The following PRR14L variants were observed in gnomAD, a reference collection of about 807,000 sequenced individuals.
PRR14L encodes the protein proline rich 14 like, also known as protein PRR14L.
In PRR14L, 80 loss-of-function variants were observed where a neutral mutation model predicts 155.0. The observed-to-expected ratio is 0.52, with a 90% CI of 0.43 to 0.62. PRR14L has a LOEUF of 0.62. Ranked by LOEUF, PRR14L falls within the 20% of genes least tolerant of loss-of-function variation. The pLI, the probability that PRR14L is intolerant of heterozygous loss-of-function variation, is 0.00. For missense variants in PRR14L, 2,469 were observed against 2,548.0 expected (o/e 0.97, Z 0.67); for synonymous variants, 883 against 916.0 (o/e 0.96, Z 0.65).
In PRR14L at chr22:31,717,179, CA is replaced by C; in HGVS notation, c.659del (p.Val220GlyfsTer15). The C allele has an allele frequency of 6.4e-7, 1 of 1,552,282 alleles. No homozygotes were observed. The highest frequency in any genetic ancestry group is 8.7e-7 in the Non-Finnish European group (1 of 1,147,138). ...DNNEGHKNGN[V>X]SKDLSAGCGE... ...CGCATCCAGCTGAGAGATCTTTACT[CA>C]CATTGCCATTTTTGTGTCCTTCATT... On this transcript the variant is annotated frameshift_variant, in exon 4 of 9. Coordinates refer to ENST00000327423, the MANE Select transcript of PRR14L (RefSeq NM_173566.3). LOFTEE classifies it high-confidence loss of function.
rs1292532057 is a variant in PRR14L, at chr22:31,716,265, G to A, written c.1574C>T (p.Thr525Ile). ...ACTTAATATATTGGGCTCTACAGGG[G>A]TTGTCTGTCCTGCCTCTTCAATCTG... The part of the protein sequence containing the change: ...LMQIEEAGQT[T>I]PVEPNILSKS... The change falls in exon 4 of 9, where the codon ACC becomes ATC. Residue 525 changes from threonine (T) to isoleucine (I), a missense_variant. Thr to Ile is a moderately conservative substitution (Grantham distance 89, BLOSUM62 -1). Around this residue, in one of 2 missense-constraint regions of PRR14L, gnomAD observed 2,363 missense variants for 2,371.6 expected, o/e 1.00. Coordinates refer to ENST00000327423, the MANE Select transcript of PRR14L (RefSeq NM_173566.3). The A allele has an allele frequency of 6.4e-7, 1 of 1,551,590 alleles. No homozygotes were observed. Among genetic ancestry groups the A allele is most frequent in the Non-Finnish European group, 8.7e-7 (1 of 1,146,930 alleles).
intron 6 of PRR14L, 104 bp downstream of exon 6, chr22:31,703,446 G>T: frequency 1.8e-6 from 2 of 1,130,434 alleles, no homozygotes; most frequent in South Asian, 1.6e-5. Context: ...AAGGTGGTAC[G>T]TAAAGATACT....
At position 31,716,946 on chromosome 22, in the gene PRR14L, T is replaced by A; in HGVS notation, c.893A>T (p.Glu298Val). Residue 298 changes from glutamate (E) to valine (V), a missense_variant, in exon 4 of 9, where the codon GAG (glutamate) becomes GTG (valine). Transcript: ENST00000327423. ...ACAGACCAGGTTTGGTTTACACAAC[T>A]CTTCCTTCCCATTGTCCACATTAGA... ...AISNVDNGKE[E>V]LCKPNLVCEA... is the part of the protein sequence containing the mutation. 6.4e-7 allele frequency: 1 copy of A among 1,552,044 alleles called. No homozygotes were observed. Among genetic ancestry groups the A allele is most frequent in the Non-Finnish European group, 8.7e-7 (1 of 1,147,058 alleles).
chr22:31,703,215 T>C (rs1448408362), intron 6 of PRR14L, among the ~76,000 whole-genome samples: 2 of 152,216 alleles, frequency 1.3e-5, no homozygotes, highest in Non-Finnish European at 2.9e-5. Flanking sequence ...TTTGCAACTG[T>C]TGAAGACAAC....
At chr22:31,699,827 GC>G (rs1425527927) in intron 7 of PRR14L, among the ~76,000 whole-genome samples, 1 of 151,334 alleles carries the variant, frequency 6.6e-6, no homozygotes, top group Admixed American at 6.6e-5. Context: ...ATATGCCCAG[GC>G]TTTTCCATAA....
rs182671635 is a variant in PRR14L, at chr22:31,694,092, C to T, written c.6108-5865G>A. The stretch of plus-strand genomic sequence containing the variant: ...AGGAGTTTGAGACCAGCCTGGCCAA[C>T]GTGGTGAAACCCTGTTTCTACTAAA... On this transcript the variant is annotated intron_variant, in intron 7 of 8. Transcript: ENST00000327423. 2.8e-3 allele frequency among the ~76,000 whole-genome samples: 426 copies of T among 152,316 alleles called. 2 individuals are homozygous for T. Among genetic ancestry groups the T allele is most frequent in the African/African-American group, 8.6e-3 (356 of 41,566 alleles).
intron 7 of PRR14L, among the ~76,000 whole-genome samples, chr22:31,700,809 C>T (rs1490075549): frequency 6.6e-6 from 1 of 152,128 alleles, no homozygotes; most frequent in African/African-American, 2.4e-5. Context: ...CCGCCTTGGC[C>T]TCCCAAAGTG....
At chr22:31,734,537 T>C (rs1258954260) in intron 2 of PRR14L, among the ~76,000 whole-genome samples, 1 of 152,168 alleles carries the variant, frequency 6.6e-6, no homozygotes, top group Non-Finnish European at 1.5e-5. Context: ...TGTTCAGATT[T>C]CCAAAGGGTC....
At chr22:31,695,926 C>T (rs1475452000) in intron 7 of PRR14L, among the ~76,000 whole-genome samples, 1 of 152,006 alleles carries the variant, frequency 6.6e-6, no homozygotes, top group East Asian at 1.9e-4. Context: ...TAATAAACTT[C>T]CCCTGTCTAA....
chr22:31,712,184 T>C lies in PRR14L; in HGVS notation c.5655A>G (p.Leu1885=), dbSNP rs560309903. Residue 1885 remains leucine (L), a synonymous_variant, in exon 4 of 9, where the codon CTA becomes CTG. Coordinates refer to ENST00000327423, the MANE Select transcript of PRR14L (RefSeq NM_173566.3). ...CSLPYSVGRV[L]SIWSQHGPSV... is the part of the protein sequence containing the mutation. ...AAGGACCATGCTGGCTCCAAATGGA[T>C]AGGACTCTGCCCACCGAGTAGGGCA... 3.1e-6 allele frequency: 5 copies of C among 1,614,058 alleles called. No individual in the cohort carries two copies. Among genetic ancestry groups the C allele is most frequent in the South Asian group, 2.2e-5 (2 of 91,074 alleles).
In PRR14L at chr22:31,716,054, A is replaced by G. The variant is rs1459513276; in HGVS notation, c.1785T>C (p.Ala595=). 6.4e-7 allele frequency: 1 copy of G among 1,550,676 alleles called. No homozygotes were observed. The highest frequency in any genetic ancestry group is 1.4e-5 in the African/African-American group (1 of 73,042). Residue 595 remains alanine, a synonymous_variant, in exon 4 of 9, where the codon GCT becomes GCC. Coordinates refer to ENST00000327423, the MANE Select transcript of PRR14L (RefSeq NM_173566.3). The stretch of plus-strand genomic sequence containing the variant: ...CAAATTCTGGGGATGGTAGCAACAG[A>G]GCAGTACCTTGCTTGGGTTTTAATA... ...SEVLKPKQGT[A]LLLPSPEFDY...
At chr22:31,737,651 A>G (rs1601517040) in intron 2 of PRR14L, among the ~76,000 whole-genome samples, 1 of 151,968 alleles carries the variant, frequency 6.6e-6, no homozygotes, top group East Asian at 1.9e-4. Flanking sequence ...AGAAAAAAGA[A>G]TTTGAGACCA....
At chr22:31,704,431 CTTTTT>C in intron 5 of PRR14L, 2 of 333,618 alleles carry the variant, frequency 6.0e-6, no homozygotes, top group Non-Finnish European at 1.1e-5. Flanking sequence ...GTGATTTTCA[CTTTTT>C]TTTTTTTAAC....
intron 4 of PRR14L, among the ~76,000 whole-genome samples, chr22:31,711,775 T>TTAAAA (rs2074623801): frequency 7.3e-5 from 1 of 13,784 alleles, no homozygotes; most frequent in Non-Finnish European, 1.6e-4. Flanking sequence ...GAAGAGTTAA[T>TTAAAA]CAAAAAAAAA....
intron 3 of PRR14L, among the ~76,000 whole-genome samples, chr22:31,719,358 G>A (rs1382498629): frequency 2.0e-5 from 3 of 151,772 alleles, no homozygotes; most frequent in East Asian, 1.9e-4. Context: ...GCTGCAATAA[G>A]CTGTGATTGC....
chr22:31,743,045 G>A (rs148396152), intron 1 of PRR14L, among the ~76,000 whole-genome samples: 1 of 152,114 alleles, frequency 6.6e-6, no homozygotes, highest in Admixed American at 6.6e-5. Context: ...TACTAAGAGG[G>A]GAGGATCACG....
Position 31,715,336 on chromosome 22 carries a change from A to C in PRR14L, c.2503T>G (p.Cys835Gly). ...TCCACAGAGTGTCCTGTTCCTTGGC[A>C]GCAGTGATCACGGTGCTGAAATGCA... ...ENAFQHRDHC[C>G]QGTGHSVEKS... The change falls in exon 4 of 9, where the codon TGC becomes GGC. Residue 835 changes from cysteine to glycine, a missense_variant. Cys to Gly is a radical substitution (Grantham distance 159). This residue lies in a region of PRR14L where 2,363 missense variants were observed against 2,371.6 expected (regional missense o/e 1.00). Transcript: ENST00000327423. 6.4e-7 allele frequency: 1 copy of C among 1,552,056 alleles called. No homozygotes were observed. The highest frequency in any genetic ancestry group is 8.7e-7 in the Non-Finnish European group (1 of 1,147,074).
chr22:31,682,960 G>C lies in PRR14L; in HGVS notation c.*2567C>G, dbSNP rs1173580260. ...AGACAGGTGTGGCTGAGCGCAGCTG[G>C]AGCCTAGGTATATACATCACCTTCA... On this transcript the variant is annotated 3_prime_UTR_variant, in exon 9 of 9. Coordinates refer to ENST00000327423, the MANE Select transcript of PRR14L (RefSeq NM_173566.3). 1 of 152,196 alleles carries C rather than the reference G, an allele frequency of 6.6e-6. No homozygotes were observed. The highest frequency in any genetic ancestry group is 2.4e-5 in the African/African-American group (1 of 41,432). 9.4% of individuals were successfully genotyped at this position (152,196 alleles called of 1,614,324 possible). A position where few individuals can be genotyped will look rare whatever the true frequency, so the allele number is the denominator to read the frequency against.
intron 2 of PRR14L, among the ~76,000 whole-genome samples, chr22:31,732,724 G>C (rs2074756822): frequency 6.6e-6 from 1 of 152,110 alleles, no homozygotes; most frequent in Admixed American, 6.6e-5. Context: ...TAAATGCTGA[G>C]TCCTGTGAGT....
Sources: allele counts gnomAD v4.1 joint callset (sites outside exome capture counted in the v4.1 genomes callset), GRCh38; gene constraint gnomAD v4.1.1; regional missense constraint gnomAD v4.1.1; transcripts MANE v1.5; gene names NCBI Gene and HGNC (gene_info 2026-07-23, HGNC 2026-07-21).